THSD7B: variants seen among roughly 807,000 people sequenced by gnomAD.
THSD7B encodes the protein thrombospondin type-1 domain-containing protein 7B.
In THSD7B, 138 loss-of-function variants were observed where a neutral mutation model predicts 213.6. The ratio of observed to expected loss-of-function variants is 0.65; its 90% confidence interval spans 0.56 to 0.74. The LOEUF (loss-of-function observed/expected upper bound fraction) is 0.74. Ranked by LOEUF, THSD7B falls within the 30% of genes least tolerant of loss-of-function variation. The pLI is 0.00. For synonymous variants in THSD7B, 742 were observed against 687.0 expected (o/e 1.08, Z -1.25); for missense variants, 1,931 against 1,991.5 (o/e 0.97, Z 0.58).
intron 1 of THSD7B, among the ~76,000 whole-genome samples, chr2:136,853,273 T>C (rs991507189): frequency 4.6e-5 from 7 of 152,194 alleles, no homozygotes; most frequent in African/African-American, 1.7e-4. Flanking sequence ...TCCAGGATCT[T>C]GTGTTTCATT....
intron 2 of THSD7B, among the ~76,000 whole-genome samples, chr2:136,905,446 GAA>G (rs1433779385): frequency 6.6e-6 from 1 of 152,174 alleles, no homozygotes; most frequent in Admixed American, 6.5e-5. Flanking sequence ...GGTTTTGTGA[GAA>G]ATATTGTTTT....
intron 12 of THSD7B, among the ~76,000 whole-genome samples, chr2:137,351,299 C>T (rs531768430): frequency 6.6e-6 from 1 of 152,018 alleles, no homozygotes; most frequent in South Asian, 2.1e-4. Flanking sequence ...ATAAGCTTAA[C>T]ATAGAGTATT....
intron 14 of THSD7B, among the ~76,000 whole-genome samples, chr2:137,445,106 A>T (rs1359534701): frequency 6.6e-6 from 1 of 152,058 alleles, no homozygotes; most frequent in Non-Finnish European, 1.5e-5. Context: ...GGTAGAAACT[A>T]ACAAACTCTA....
At chr2:136,921,258 A>G (rs1402973625) in intron 2 of THSD7B, among the ~76,000 whole-genome samples, 1 of 148,764 alleles carries the variant, frequency 6.7e-6, no homozygotes, top group Admixed American at 6.7e-5. Context: ...CAGGCCCCTT[A>G]TTCTGCTTAT....
chr2:137,011,682 TG>T (rs1303453548), intron 2 of THSD7B, among the ~76,000 whole-genome samples: 1 of 152,208 alleles, frequency 6.6e-6, no homozygotes, highest in East Asian at 1.9e-4. Context: ...TGTTTGCTTG[TG>T]CAGCACCACA....
intron 2 of THSD7B, among the ~76,000 whole-genome samples, chr2:137,052,422 T>C (rs992378332): frequency 6.6e-6 from 1 of 152,168 alleles, no homozygotes; most frequent in African/African-American, 2.4e-5. Context: ...TTCTAAATTT[T>C]GTTTTATTTT....
chr2:137,603,644 A>T (rs976261883), intron 17 of THSD7B, among the ~76,000 whole-genome samples: 1 of 152,192 alleles, frequency 6.6e-6, no homozygotes, highest in African/African-American at 2.4e-5. Context: ...CAAGAAGGAG[A>T]TATCTGGATT....
At chr2:137,044,208 G>A (rs1262809675) in intron 2 of THSD7B, among the ~76,000 whole-genome samples, 1 of 152,146 alleles carries the variant, frequency 6.6e-6, no homozygotes, top group Non-Finnish European at 1.5e-5. Flanking sequence ...ATCAGAGAAT[G>A]TAATCATATC....
intron 12 of THSD7B, among the ~76,000 whole-genome samples, chr2:137,330,148 T>C (rs1296592623): frequency 1.3e-5 from 2 of 152,126 alleles, no homozygotes; most frequent in Non-Finnish European, 2.9e-5. Context: ...AGAGGCTGTG[T>C]GGAAATGCCT....
At chr2:137,262,456 A>G (rs768204834) in intron 10 of THSD7B, among the ~76,000 whole-genome samples, 41 of 140,524 alleles carry the variant, frequency 2.9e-4, no homozygotes, top group Non-Finnish European at 5.5e-4. Context: ...GGATTTGCGG[A>G]AAAAAAAAAA....
chr2:137,240,016 A>G (rs918415378), intron 9 of THSD7B, among the ~76,000 whole-genome samples: 1 of 152,144 alleles, frequency 6.6e-6, no homozygotes, highest in Non-Finnish European at 1.5e-5. Flanking sequence ...GAGAGCTCCA[A>G]CCTCATGATC....
At chr2:137,463,388 G>T (rs542938747) in intron 15 of THSD7B, among the ~76,000 whole-genome samples, 1 of 151,900 alleles carries the variant, frequency 6.6e-6, no homozygotes, top group Non-Finnish European at 1.5e-5. Context: ...TTAAAATCTT[G>T]TTCAAACTCA....
At chr2:137,470,969 G>A (rs1057144850) in intron 15 of THSD7B, among the ~76,000 whole-genome samples, 5 of 144,562 alleles carry the variant, frequency 3.5e-5, no homozygotes, top group African/African-American at 1.3e-4. Context: ...ACTCAGGCTG[G>A]AGTGCAATGG....
At chr2:137,141,709 A>G (rs1679591242) in intron 5 of THSD7B, among the ~76,000 whole-genome samples, 1 of 151,430 alleles carries the variant, frequency 6.6e-6, no homozygotes. Context: ...GTGTGTTTGT[A>G]TCTTCCAGAT....
Position 137,170,754 on chromosome 2 carries a change from G to A in THSD7B, c.1539G>A (p.Arg513=). The A allele has an allele frequency of 6.2e-7, 1 of 1,613,168 alleles. No homozygotes were observed. Among genetic ancestry groups the A allele is most frequent in the Non-Finnish European group, 8.5e-7 (1 of 1,179,472 alleles). The change falls in exon 7 of 28, where the codon AGG becomes AGA. Residue 513 remains arginine (R), a synonymous_variant. Coordinates refer to ENST00000409968, the MANE Select transcript of THSD7B (RefSeq NM_001316349.2). The stretch of plus-strand genomic sequence containing the variant: ...CTCTCTTTTTAGGATTTAGAACGAG[G>A]CAGCGCCATGTCCTCATGGAATCTA... ...DPQGKKGFRT[R]QRHVLMESTG...
At chr2:136,770,123 A>G (rs1681478614) in intron 1 of THSD7B, among the ~76,000 whole-genome samples, 1 of 152,220 alleles carries the variant, frequency 6.6e-6, no homozygotes, top group Admixed American at 6.5e-5. Context: ...GAAAAATCAC[A>G]ATGTTGAGTA....
intron 5 of THSD7B, among the ~76,000 whole-genome samples, chr2:137,157,948 A>G (rs1304019465): frequency 6.6e-6 from 1 of 152,216 alleles, no homozygotes; most frequent in Non-Finnish European, 1.5e-5. Context: ...GTGAGAACAC[A>G]TGCTAACATG....
chr2:137,086,860 T>G (rs1001457010), intron 3 of THSD7B, among the ~76,000 whole-genome samples: 1 of 152,246 alleles, frequency 6.6e-6, no homozygotes, highest in African/African-American at 2.4e-5. Context: ...TGTATCTGCT[T>G]ATATAAATAT....
At chr2:137,342,150 T>G (rs980687293) in intron 12 of THSD7B, among the ~76,000 whole-genome samples, 1 of 151,676 alleles carries the variant, frequency 6.6e-6, no homozygotes, top group Admixed American at 6.6e-5. Flanking sequence ...GGAATATATT[T>G]TAATTTGTAT....
Sources: gnomAD v4.1 joint callset for allele counts (sites outside exome capture counted in the v4.1 genomes callset) on GRCh38, gnomAD v4.1.1 for gene constraint, MANE v1.5 for transcripts, NCBI Gene and HGNC (gene_info 2026-07-23, HGNC 2026-07-21) for gene names.